PDCD6IP: variants seen among roughly 807,000 people sequenced by gnomAD.
The protein encoded by PDCD6IP is programmed cell death 6 interacting protein, also known as programmed cell death 6-interacting protein.
A neutral mutation model predicts 103.7 loss-of-function variants in PDCD6IP; 43 were observed. The observed-to-expected ratio is 0.41, with a 90% CI of 0.32 to 0.53. PDCD6IP has a LOEUF of 0.53. Among genes scored for constraint, PDCD6IP ranks in the 20% least tolerant of loss-of-function variants. The pLI, the probability that PDCD6IP is intolerant of heterozygous loss-of-function variation, is 0.16. For missense variants in PDCD6IP, 871 were observed against 1,036.7 expected, an observed-to-expected ratio of 0.84 and a Z score of 2.20; for synonymous variants, 354 against 378.7, an observed-to-expected ratio of 0.93 and a Z score of 0.76.
chr3:33,807,190 T>A (rs1340943619), intron 1 of PDCD6IP, among the ~76,000 whole-genome samples: 1 of 152,230 alleles, frequency 6.6e-6, no homozygotes, highest in African/African-American at 2.4e-5. Flanking sequence ...CATTCTTCTT[T>A]TCCTCACCCA....
intron 15 of PDCD6IP, among the ~76,000 whole-genome samples, chr3:33,858,596 G>A (rs1379668968): frequency 6.6e-6 from 1 of 152,138 alleles, no homozygotes; most frequent in Non-Finnish European, 1.5e-5. Context: ...GGATCACGAG[G>A]TCAGGAGATC....
At position 33,868,279 on chromosome 3, in the gene PDCD6IP, A is replaced by G. The variant is rs1575953963; in HGVS notation, c.*1754A>G. 6.6e-6 allele frequency: 1 copy of G among 152,224 alleles called. No individual in the cohort carries two copies. Among genetic ancestry groups the G allele is most frequent in the Non-Finnish European group, 1.5e-5 (1 of 68,044 alleles). The allele number at this position is 152,224 out of a possible 1,614,324, so 9.4% of individuals were successfully genotyped here. On this transcript the variant is annotated 3_prime_UTR_variant, in exon 18 of 18. Transcript: ENST00000307296. ...GAGGTATTACAAGTTGCTAGTTTAT[A>G]ATGTCTTACTAATGCAGAAACAAGG...
rs760022265 is a variant in PDCD6IP at position 33,812,051 on chromosome 3, TA to T, written c.210-19del. 1 of 1,581,002 alleles carries T rather than the reference TA, an allele frequency of 6.3e-7. No homozygotes were observed. The highest frequency in any genetic ancestry group is 1.9e-5 in the Admixed American group (1 of 53,332). On this transcript the variant is annotated intron_variant, in intron 1 of 17. Transcript: ENST00000307296. ...TGTAATATTTAGCTCTGGTAATTAT[TA>T]ATTCTGCTCTATTTTTTAGATATTA... is the stretch of plus-strand genomic sequence containing the variant.
At chr3:33,847,980 TA>T (rs60738650) in intron 12 of PDCD6IP, among the ~76,000 whole-genome samples, 6,128 of 146,336 alleles carry the variant, frequency 0.042, 394 homozygotes, top group African/African-American at 0.14. Flanking sequence ...GGGGTACCTT[TA>T]AAAAAAAAAA....
intron 12 of PDCD6IP, 30 bp downstream of exon 12, chr3:33,845,618 A>T (rs369521529): frequency 5.9e-6 from 9 of 1,535,330 alleles, no homozygotes; most frequent in Middle Eastern, 1.7e-4. Context: ...GTAGGTTGTC[A>T]TCTGCTTAAG....
chr3:33,810,058 A>T (rs1299012370), intron 1 of PDCD6IP, among the ~76,000 whole-genome samples: 1 of 152,128 alleles, frequency 6.6e-6, no homozygotes, highest in African/African-American at 2.4e-5. Context: ...CTAATTAGTA[A>T]ATATTTTGTG....
chr3:33,841,657 C>T (rs1242794049), intron 9 of PDCD6IP, among the ~76,000 whole-genome samples: 2 of 151,614 alleles, frequency 1.3e-5, no homozygotes, highest in Admixed American at 1.3e-4. Context: ...CCAGGATGGT[C>T]TCGATCTCCT....
chr3:33,846,827 A>G (rs1198425859), intron 12 of PDCD6IP, among the ~76,000 whole-genome samples: 4 of 152,206 alleles, frequency 2.6e-5, no homozygotes, highest in Non-Finnish European at 5.9e-5. Flanking sequence ...AAGGCCTACT[A>G]TTCCAGAACA....
chr3:33,830,119 A>G (rs776691433), intron 7 of PDCD6IP, among the ~76,000 whole-genome samples: 4 of 152,182 alleles, frequency 2.6e-5, no homozygotes, highest in African/African-American at 7.2e-5. Flanking sequence ...CATTCAGACC[A>G]TAACAATGGA....
intron 3 of PDCD6IP, among the ~76,000 whole-genome samples, chr3:33,820,766 A>G (rs138990779): frequency 1.0e-3 from 156 of 152,330 alleles, no homozygotes; most frequent in African/African-American, 3.7e-3. Context: ...ATTCCATTGT[A>G]TGTATATACC....
intron 7 of PDCD6IP, among the ~76,000 whole-genome samples, chr3:33,830,591 C>T (rs1277404570): frequency 2.6e-5 from 4 of 152,074 alleles, no homozygotes; most frequent in African/African-American, 9.7e-5. Context: ...AAAGTTAAGA[C>T]AGAAGTTGGG....
chr3:33,802,110 A>G (rs1307281957), intron 1 of PDCD6IP, among the ~76,000 whole-genome samples: 1 of 152,140 alleles, frequency 6.6e-6, no homozygotes, highest in Non-Finnish European at 1.5e-5. Context: ...TGTGGAGTTA[A>G]TTGGGGCTCA....
chr3:33,844,230 A>G lies in PDCD6IP; in HGVS notation c.1471+7A>G. ...TATAAGCCTTTAAGAGCAGGTAAAA[A>G]TGTGTATAAATGACCTTCATTTGAA... On this transcript the variant is annotated splice_region_variant and intron_variant, in intron 11 of 17. Transcript: ENST00000307296. The G allele has an allele frequency of 7.1e-7, 1 of 1,411,114 alleles. No individual in the cohort carries two copies. Among genetic ancestry groups the G allele is most frequent in the Non-Finnish European group, 9.6e-7 (1 of 1,046,696 alleles). 87.4% of individuals were successfully genotyped at this position (1,411,114 alleles called of 1,614,324 possible).
At chr3:33,856,067 G>A (rs927271934) in intron 15 of PDCD6IP, among the ~76,000 whole-genome samples, 1 of 152,176 alleles carries the variant, frequency 6.6e-6, no homozygotes, top group Non-Finnish European at 1.5e-5. Context: ...TCTCATAGGA[G>A]CGCAAACTCT....
At chr3:33,807,398 C>T (rs927956074) in intron 1 of PDCD6IP, among the ~76,000 whole-genome samples, 1 of 152,236 alleles carries the variant, frequency 6.6e-6, no homozygotes, top group Admixed American at 6.5e-5. Context: ...CTTCTAGCTC[C>T]TGTCACCCTG....
intron 7 of PDCD6IP, among the ~76,000 whole-genome samples, chr3:33,834,801 A>G (rs924484320): frequency 3.3e-5 from 5 of 152,144 alleles, no homozygotes; most frequent in African/African-American, 1.2e-4. Flanking sequence ...TGCTTTCTAT[A>G]TGCCTGAGAA....
At chr3:33,815,756 G>A (rs1696834051) in intron 3 of PDCD6IP, among the ~76,000 whole-genome samples, 1 of 152,182 alleles carries the variant, frequency 6.6e-6, no homozygotes, top group Non-Finnish European at 1.5e-5. Context: ...TTCCTCTTTA[G>A]TAGAAAGGTT....
chr3:33,867,839 A>G lies in PDCD6IP; in HGVS notation c.*1314A>G, dbSNP rs1157482092. On this transcript the variant is annotated 3_prime_UTR_variant, in exon 18 of 18. Transcript: ENST00000307296. ...ATTTATGTTTATTTTCTGAGTTTCA[A>G]CGCTGACCTTTTCTTGCATTATTGT... is the stretch of plus-strand genomic sequence containing the variant. 6.6e-6 allele frequency: 1 copy of G among 152,182 alleles called. No homozygotes were observed. The highest frequency in any genetic ancestry group is 2.4e-5 in the African/African-American group (1 of 41,452). The allele number at this position is 152,182 out of a possible 1,614,324, so 9.4% of individuals were successfully genotyped here. A position where few individuals can be genotyped will look rare whatever the true frequency, so the allele number is the denominator to read the frequency against.
At chr3:33,853,165 C>G (rs951416863) in intron 13 of PDCD6IP, among the ~76,000 whole-genome samples, 9 of 152,148 alleles carry the variant, frequency 5.9e-5, no homozygotes, top group African/African-American at 1.9e-4. Flanking sequence ...CCTCGTGATC[C>G]TCCTGCCTTG....
Sources: gnomAD v4.1 joint callset for allele counts (sites outside exome capture counted in the v4.1 genomes callset) on GRCh38, gnomAD v4.1.1 for gene constraint, MANE v1.5 for transcripts, NCBI Gene and HGNC (gene_info 2026-07-23, HGNC 2026-07-21) for gene names.